Variants in OPN3 observed in about 807,000 individuals in gnomAD.
The protein encoded by OPN3 is opsin 3.
In OPN3, 29 loss-of-function variants were observed where a neutral mutation model predicts 33.8. The observed-to-expected ratio is 0.86, with a 90% CI of 0.64 to 1.17. OPN3 has a LOEUF of 1.17. Among genes scored for constraint, OPN3 ranks in the 50% most tolerant of loss-of-function variants. OPN3 has a pLI of 0.00. For missense variants in OPN3, 437 were observed against 514.1 expected (o/e 0.85, Z 1.45); for synonymous variants, 216 against 216.1 (o/e 1.00, Z 0.00).
At chr1:241,616,064 G>T in intron 1 of OPN3, 1 of 425,416 alleles carries the variant, frequency 2.4e-6, no homozygotes, top group Non-Finnish European at 4.8e-6. Context: ...AGCTGCGTTA[G>T]TATCAGGTGG....
Position 241,640,090 on chromosome 1 carries a change from G to C in OPN3, c.165C>G (p.Gly55=), listed in dbSNP as rs1245926215. 4 of 1,609,678 alleles carry C rather than the reference G, an allele frequency of 2.5e-6. No homozygotes were observed. In the South Asian group the frequency reaches 4.4e-5, roughly 18 times the overall value. Residue 55 remains glycine, a synonymous_variant, in exon 1 of 4, where the codon GGC becomes GGG. Coordinates refer to ENST00000366554, the MANE Select transcript of OPN3 (RefSeq NM_014322.3). ...CGAGCACCAGCAGGTTGTTGCCGACGCCCAGCAGCCCAATGGAGCCCAGCA... is the reference window on the plus strand; with the variant it reads ...CGAGCACCAGCAGGTTGTTGCCGACCCCCAGCAGCCCAATGGAGCCCAGCA... ...ALLLGSIGLL[G]VGNNLLVLVL... is the part of the protein sequence containing the mutation.
chr1:241,614,536 A>G (rs1387551002), intron 1 of OPN3, among the ~76,000 whole-genome samples: 1 of 152,262 alleles, frequency 6.6e-6, no homozygotes, highest in Non-Finnish European at 1.5e-5. Flanking sequence ...ATTTTTCACC[A>G]TAAGCATCTC....
chr1:241,594,427 C>T lies in OPN3; in HGVS notation c.*1G>A. On this transcript the variant is annotated 3_prime_UTR_variant, in exon 4 of 4. Coordinates refer to ENST00000366554, the MANE Select transcript of OPN3 (RefSeq NM_014322.3). ...CCATCTTTCGTTGCCATTCTTCATT[C>T]CTACAAAGGACGAACTTGGATTACA... 6.2e-7 allele frequency: 1 copy of T among 1,609,540 alleles called. No individual in the cohort carries two copies.
chr1:241,613,370 T>TA (rs1664045371), intron 1 of OPN3, among the ~76,000 whole-genome samples: 1 of 152,148 alleles, frequency 6.6e-6, no homozygotes, highest in Non-Finnish European at 1.5e-5. Context: ...GGTCACAAGC[T>TA]AAAAAATAAA....
chr1:241,626,166 ATT>A (rs1664413652), intron 1 of OPN3, among the ~76,000 whole-genome samples: 1 of 152,162 alleles, frequency 6.6e-6, no homozygotes, highest in South Asian at 2.1e-4. Context: ...ATTGCGATAT[ATT>A]TTACCAGAGA....
chr1:241,610,674 A>G (rs1171009382), intron 1 of OPN3, among the ~76,000 whole-genome samples: 1 of 152,232 alleles, frequency 6.6e-6, no homozygotes, highest in Non-Finnish European at 1.5e-5. Context: ...AAAAAGATGA[A>G]TTATAAACAG....
intron 1 of OPN3, among the ~76,000 whole-genome samples, chr1:241,625,860 T>C (rs1040883091): frequency 6.6e-6 from 1 of 152,210 alleles, no homozygotes; most frequent in Non-Finnish European, 1.5e-5. Flanking sequence ...TTCTTTGTTA[T>C]GAGGGAGCTG....
chr1:241,626,460 C>A (rs1664421336), intron 1 of OPN3, among the ~76,000 whole-genome samples: 1 of 152,006 alleles, frequency 6.6e-6, no homozygotes, highest in Non-Finnish European at 1.5e-5. Flanking sequence ...ACTTATGTTT[C>A]AACAGCAGGG....
intron 1 of OPN3, chr1:241,614,229 C>T (rs1250195892): frequency 6.6e-6 from 1 of 150,382 alleles, no homozygotes; most frequent in African/African-American, 2.5e-5. Context: ...TATTTCTGAC[C>T]ATTGTGTGTC....
chr1:241,640,344 G>A lies in OPN3; in HGVS notation c.-90C>T. ...CCGCACTGGGTGGGGTTGGGGCTCC[G>A]CCGCCTGCTCTAGCCATTGTGCACT... On this transcript the variant is annotated 5_prime_UTR_variant, in exon 1 of 4. Transcript: ENST00000366554. 3.8e-6 allele frequency: 4 copies of A among 1,064,978 alleles called. No individual in the cohort carries two copies. Among genetic ancestry groups the A allele is most frequent in the Non-Finnish European group, 4.5e-6 (4 of 883,992 alleles). The allele number at this position is 1,064,978 out of a possible 1,614,324, so 66.0% of individuals were successfully genotyped here.
At chr1:241,616,863 G>A (rs894783379) in intron 1 of OPN3, among the ~76,000 whole-genome samples, 3 of 152,046 alleles carry the variant, frequency 2.0e-5, no homozygotes, top group African/African-American at 4.8e-5. Flanking sequence ...TTTACCTAAA[G>A]GATCACTTTT....
rs750421802 is a variant in OPN3, at chr1:241,634,383, C to G, written c.373+5499G>C. 5 of 1,613,952 alleles carry G rather than the reference C, an allele frequency of 3.1e-6. No individual in the cohort carries two copies. In the Admixed American group the frequency reaches 8.3e-5, roughly 27 times the overall value. On this transcript the variant is annotated intron_variant, in intron 1 of 3. Coordinates refer to ENST00000366554, the MANE Select transcript of OPN3 (RefSeq NM_014322.3). ...AAATCTGTCTTTAGTATAGACTGATCTGTAATGAGTACTGCCCTAGAGATC... is the reference window on the plus strand; with the variant it reads ...AAATCTGTCTTTAGTATAGACTGATGTGTAATGAGTACTGCCCTAGAGATC...
At chr1:241,615,399 A>G (rs1431241612) in intron 1 of OPN3, among the ~76,000 whole-genome samples, 1 of 152,100 alleles carries the variant, frequency 6.6e-6, no homozygotes, top group African/African-American at 2.4e-5. Flanking sequence ...TTTTATGATA[A>G]CCTACCACAG....
At chr1:241,637,824 C>G (rs1664957202) in intron 1 of OPN3, among the ~76,000 whole-genome samples, 1 of 152,148 alleles carries the variant, frequency 6.6e-6, no homozygotes, top group Non-Finnish European at 1.5e-5. Flanking sequence ...ACTCTTGTGC[C>G]ATCAGACCAA....
chr1:241,598,175 C>T (rs1018818709), intron 2 of OPN3, among the ~76,000 whole-genome samples, 178 bp from the exon 3 acceptor site: 1 of 152,138 alleles, frequency 6.6e-6, no homozygotes, highest in African/African-American at 2.4e-5. Flanking sequence ...CAGCTTTAAC[C>T]TTGCCGGGCC....
rs760934741 is a variant in OPN3 at position 241,597,735 on chromosome 1, G to A, written c.945+11C>T. On this transcript the variant is annotated intron_variant, in intron 3 of 3. Transcript: ENST00000366554. ...CCAGGGTGAAAACAATCAGTTAATT[G>A]CAAAGCTTACCTTTCTGATCATGAA... The A allele has an allele frequency of 3.1e-6, 5 of 1,607,446 alleles. No homozygotes were observed. Among genetic ancestry groups the A allele is most frequent in the Admixed American group, 3.3e-5 (2 of 59,706 alleles).
chr1:241,612,765 C>T (rs1283500834), intron 1 of OPN3, among the ~76,000 whole-genome samples: 1 of 152,206 alleles, frequency 6.6e-6, no homozygotes, highest in African/African-American at 2.4e-5. Flanking sequence ...ATCAGCTTGC[C>T]TGAAGGATCC....
chr1:241,619,363 G>A (rs142528177), intron 1 of OPN3, among the ~76,000 whole-genome samples: 14 of 152,308 alleles, frequency 9.2e-5, no homozygotes, highest in African/African-American at 3.1e-4. Flanking sequence ...ATGTCCGGGT[G>A]CCAGGCTGAG....
In OPN3 at chr1:241,615,847, T is replaced by G. The variant is rs1417717185; in HGVS notation, c.374-11268A>C. On this transcript the variant is annotated intron_variant, in intron 1 of 3. Coordinates refer to ENST00000366554, the MANE Select transcript of OPN3 (RefSeq NM_014322.3). ...CAGCTGCTGCCACTGTCACCACCATTGCATACCTGCATGCAGATAGTGCCT... is the reference window on the plus strand; with the variant it reads ...CAGCTGCTGCCACTGTCACCACCATGGCATACCTGCATGCAGATAGTGCCT... The G allele has an allele frequency of 6.6e-6, 3 of 456,574 alleles. 1 individual carries two copies. Among genetic ancestry groups the G allele is most frequent in the South Asian group, 4.6e-5 (3 of 64,560 alleles). 28.3% of individuals were successfully genotyped at this position (456,574 alleles called of 1,614,324 possible).
Sources: allele counts gnomAD v4.1 joint callset (sites outside exome capture counted in the v4.1 genomes callset), GRCh38; gene constraint gnomAD v4.1.1; transcripts MANE v1.5; gene names NCBI Gene and HGNC (gene_info 2026-07-23, HGNC 2026-07-21).